Variants in FGF14 observed in about 807,000 individuals in gnomAD.
FGF14 encodes the protein fibroblast growth factor homologous factor 4.
FGF14 carries 5 observed loss-of-function variants against 25.5 expected under a neutral mutation model. That is an observed-to-expected ratio of 0.20 (90% CI 0.10 to 0.41). FGF14 has a LOEUF of 0.41. Among genes scored for constraint, FGF14 ranks in the 10% least tolerant of loss-of-function variants. FGF14 has a pLI of 1.00. For missense variants in FGF14, 222 were observed against 320.1 expected, an observed-to-expected ratio of 0.69 and a Z score of 2.34; for synonymous variants, 138 against 118.3, an observed-to-expected ratio of 1.17 and a Z score of -1.08.
intron 1 of FGF14, among the ~76,000 whole-genome samples, chr13:102,184,608 T>C (rs972980355): frequency 2.0e-5 from 3 of 152,150 alleles, no homozygotes; most frequent in African/African-American, 7.2e-5. Flanking sequence ...ATACGAGCAG[T>C]AATAGTTCAG....
chr13:101,940,031 T>C (rs1446795256), intron 1 of FGF14, among the ~76,000 whole-genome samples: 2 of 152,228 alleles, frequency 1.3e-5, no homozygotes, highest in East Asian at 1.9e-4. Context: ...CCTTTGCTTC[T>C]CTTTTCTCCT....
intron 1 of FGF14, among the ~76,000 whole-genome samples, chr13:102,052,616 A>G (rs2140061978): frequency 6.6e-6 from 1 of 152,164 alleles, no homozygotes; most frequent in South Asian, 2.1e-4. Context: ...GCCAGGAAAA[A>G]GTGAAATGAT....
intron 3 of FGF14, among the ~76,000 whole-genome samples, chr13:101,739,846 G>T (rs560220236): frequency 6.6e-6 from 1 of 152,158 alleles, no homozygotes; most frequent in Non-Finnish European, 1.5e-5. Flanking sequence ...GCAGCCCAGC[G>T]CCAGGCCTGA....
chr13:101,959,079 CTG>C (rs2036681525), intron 1 of FGF14, among the ~76,000 whole-genome samples: 2 of 152,310 alleles, frequency 1.3e-5, no homozygotes, highest in Admixed American at 1.3e-4. Context: ...TTCAGGATGA[CTG>C]TTTCACTGCA....
chr13:102,068,483 C>A (rs968906578), intron 1 of FGF14, among the ~76,000 whole-genome samples: 1 of 152,202 alleles, frequency 6.6e-6, no homozygotes, highest in African/African-American at 2.4e-5. Context: ...GGGAGAGGCG[C>A]GAGCGGGAAC....
chr13:102,267,681 T>A (rs1030465421), intron 1 of FGF14, among the ~76,000 whole-genome samples: 1 of 152,092 alleles, frequency 6.6e-6, no homozygotes, highest in African/African-American at 2.4e-5. Context: ...TAGATCAATA[T>A]AAATGAAAAA....
At chr13:102,050,302 C>G (rs192896721) in intron 1 of FGF14, among the ~76,000 whole-genome samples, 2 of 152,064 alleles carry the variant, frequency 1.3e-5, no homozygotes, top group South Asian at 2.1e-4. Flanking sequence ...ATACATAAAA[C>G]CACCTTGGGG....
chr13:102,308,916 C>CAAAAAAAAAAAAAAAAA (rs71125061), intron 1 of FGF14, among the ~76,000 whole-genome samples: 2 of 61,978 alleles, frequency 3.2e-5, no homozygotes, highest in Non-Finnish European at 3.1e-5. Flanking sequence ...GTTTCTTATA[C>CAAAAAAAAAAAAAAAAA]AAAAAAAAAA....
intron 1 of FGF14, among the ~76,000 whole-genome samples, chr13:101,979,224 C>G (rs1429184300): frequency 1.3e-5 from 2 of 152,072 alleles, no homozygotes; most frequent in Admixed American, 6.6e-5. Flanking sequence ...TGAATAGGAC[C>G]TAATTATTGG....
At chr13:101,851,837 C>T (rs1459286357) in intron 3 of FGF14, among the ~76,000 whole-genome samples, 2 of 152,042 alleles carry the variant, frequency 1.3e-5, no homozygotes, top group Non-Finnish European at 2.9e-5. Context: ...TAAATAGTGA[C>T]CTAAATGAAA....
At chr13:101,740,791 C>T (rs151199535) in intron 3 of FGF14, among the ~76,000 whole-genome samples, 2 of 152,228 alleles carry the variant, frequency 1.3e-5, no homozygotes, top group Admixed American at 6.5e-5. Flanking sequence ...TCCTTAGTAA[C>T]CTGTTTTTTA....
At chr13:101,900,302 T>G (rs1348533691) in intron 1 of FGF14, among the ~76,000 whole-genome samples, 1 of 151,970 alleles carries the variant, frequency 6.6e-6, no homozygotes, top group Non-Finnish European at 1.5e-5. Context: ...AAATTTAACC[T>G]AAAGGAATTA....
At chr13:102,185,618 A>G (rs749767614) in intron 1 of FGF14, among the ~76,000 whole-genome samples, 10 of 152,222 alleles carry the variant, frequency 6.6e-5, no homozygotes, top group African/African-American at 2.4e-5. Flanking sequence ...ATGAGTTAAT[A>G]TTACACCTTC....
intron 1 of FGF14, among the ~76,000 whole-genome samples, chr13:102,216,201 C>T (rs2050362992): frequency 6.6e-6 from 1 of 152,182 alleles, no homozygotes; most frequent in Admixed American, 6.5e-5. Context: ...AATCTATTTG[C>T]CTCATTCTAT....
At chr13:102,161,612 AG>A (rs2047689413) in intron 1 of FGF14, among the ~76,000 whole-genome samples, 2 of 5,684 alleles carry the variant, frequency 3.5e-4, no homozygotes, top group African/African-American at 8.6e-4. Context: ...AAGAAGAAGA[AG>A]AAGAAGAAGA....
At chr13:102,286,064 A>G (rs2054081056) in intron 1 of FGF14, among the ~76,000 whole-genome samples, 3 of 152,226 alleles carry the variant, frequency 2.0e-5, no homozygotes, top group South Asian at 4.1e-4. Flanking sequence ...CTCAGAGAGC[A>G]AAATAGGTCT....
At chr13:102,081,599 T>G (rs1859963503) in intron 1 of FGF14, among the ~76,000 whole-genome samples, 1 of 152,182 alleles carries the variant, frequency 6.6e-6, no homozygotes. Context: ...AAAAAAAAAT[T>G]GTGGCCTTAT....
At chr13:102,303,863 A>G (rs1267748546) in intron 1 of FGF14, among the ~76,000 whole-genome samples, 1 of 152,228 alleles carries the variant, frequency 6.6e-6, no homozygotes, top group Non-Finnish European at 1.5e-5. Context: ...CACAGTAGGT[A>G]AAGCACTGAA....
intron 1 of FGF14, among the ~76,000 whole-genome samples, chr13:102,051,299 T>C (rs115784726): frequency 0.053 from 8,081 of 152,164 alleles, 253 homozygotes; most frequent in Middle Eastern, 0.075. Flanking sequence ...TCCACAAGTA[T>C]CCATGTCTCA....
Sources: gnomAD v4.1 joint callset for allele counts (sites outside exome capture counted in the v4.1 genomes callset) on GRCh38, gnomAD v4.1.1 for gene constraint, MANE v1.5 for transcripts, NCBI Gene and HGNC (gene_info 2026-07-23, HGNC 2026-07-21) for gene names.